ZNF362: variants seen among roughly 807,000 people sequenced by gnomAD.
ZNF362 encodes the protein zinc finger protein 362.
In ZNF362, 11 loss-of-function variants were observed where a neutral mutation model predicts 42.9. The ratio of observed to expected loss-of-function variants is 0.26; its 90% confidence interval spans 0.16 to 0.42. The LOEUF is 0.42. ZNF362 is among the 20% of genes least tolerant of loss of function. ZNF362 has a pLI of 1.00. For synonymous variants in ZNF362, 255 were observed against 257.3 expected (o/e 0.99, Z 0.09); for missense variants, 362 against 576.2 (o/e 0.63, Z 3.81).
the ZNF362 span, among the ~76,000 whole-genome samples, chr1:33,209,559 T>G: frequency 6.6e-6 from 1 of 152,164 alleles, no homozygotes; most frequent in African/African-American, 2.4e-5. Context: ...GTCCTGGACT[T>G]TTTTTGGTTG....
At chr1:33,295,338 G>A in intron 8 of ZNF362, 33 bp downstream of exon 8, 1 of 1,605,582 alleles carries the variant, frequency 6.2e-7, no homozygotes, top group Non-Finnish European at 8.5e-7. Flanking sequence ...CCTGCCCCGG[G>A]GGAGCCACTT....
At chr1:33,289,127 G>C (rs2148126962) in intron 6 of ZNF362, among the ~76,000 whole-genome samples, 1 of 152,250 alleles carries the variant, frequency 6.6e-6, no homozygotes, top group East Asian at 1.9e-4. Context: ...GGAGGTTGCG[G>C]GGGATCATCT....
At chr1:33,159,693 G>T in the ZNF362 span, 3 of 1,606,890 alleles carry the variant, frequency 1.9e-6, no homozygotes, top group Non-Finnish European at 2.5e-6. This position sits in a 1 kb window ranked among gnomAD's most constrained non-coding sequence, Gnocchi z 4.2. Flanking sequence ...CTTACCGCTC[G>T]GACAGTGAGG....
the ZNF362 span, among the ~76,000 whole-genome samples, chr1:33,227,875 C>T: frequency 6.6e-6 from 1 of 151,412 alleles, no homozygotes; most frequent in Non-Finnish European, 1.5e-5. Flanking sequence ...TTTTTTCCCA[C>T]TCAGTTATTT....
the ZNF362 span, among the ~76,000 whole-genome samples, chr1:33,249,658 G>A: frequency 7.9e-5 from 12 of 152,060 alleles, no homozygotes; most frequent in Non-Finnish European, 1.5e-4. Context: ...TCTAGTTTGC[G>A]GTTTAAATGA....
chr1:33,147,070 AGGTCTCCAGTGGCCAC>A, the ZNF362 span: 13 of 1,232,596 alleles, frequency 1.1e-5, no homozygotes, highest in Non-Finnish European at 1.5e-5. This position sits in a 1 kb window ranked among gnomAD's most constrained non-coding sequence, Gnocchi z 8.1. Context: ...AACTGGCCTG[AGGTCTCCAGTGGCCAC>A]GGTGGGCTGG....
upstream of ZNF362, among the ~76,000 whole-genome samples, chr1:33,256,299 C>T (rs1271345431): frequency 1.4e-5 from 2 of 144,006 alleles, no homozygotes; most frequent in African/African-American, 2.5e-5. Context: ...GTCGCCAGCG[C>T]CCGGCGCTGC....
the ZNF362 span, among the ~76,000 whole-genome samples, chr1:33,183,356 T>C: frequency 6.6e-6 from 1 of 152,242 alleles, no homozygotes; most frequent in African/African-American, 2.4e-5. Context: ...TAACACTTTC[T>C]CCATCACACC....
At chr1:33,210,571 T>C in the ZNF362 span, among the ~76,000 whole-genome samples, 1 of 152,216 alleles carries the variant, frequency 6.6e-6, no homozygotes, top group Non-Finnish European at 1.5e-5. Flanking sequence ...AGTCTCTTTG[T>C]GGGTCTCTAA....
chr1:33,163,591 C>A, the ZNF362 span: 1 of 152,270 alleles, frequency 6.6e-6, no homozygotes, highest in Non-Finnish European at 1.5e-5. Context: ...GGGGAAACAG[C>A]CCCCACCCCA....
At chr1:33,174,108 T>C in the ZNF362 span, among the ~76,000 whole-genome samples, 1 of 152,188 alleles carries the variant, frequency 6.6e-6, no homozygotes, top group Non-Finnish European at 1.5e-5. Context: ...ATTTATATTC[T>C]TTTCCCCCCT....
At chr1:33,160,069 G>C in the ZNF362 span, 1 of 1,244,142 alleles carries the variant, frequency 8.0e-7, no homozygotes, top group Non-Finnish European at 1.1e-6. Flanking sequence ...CGCGTGGTGG[G>C]GGAAATGTCA....
At chr1:33,256,235 C>A (rs1645788564), upstream of ZNF362, among the ~76,000 whole-genome samples, 1 of 137,832 alleles carries the variant, frequency 7.3e-6, no homozygotes, top group African/African-American at 2.6e-5. Context: ...CGAGTGGGGG[C>A]CCCAGCGCGC....
At chr1:33,156,837 TC>T in the ZNF362 span, among the ~76,000 whole-genome samples, 1 of 152,106 alleles carries the variant, frequency 6.6e-6, no homozygotes, top group Non-Finnish European at 1.5e-5. Flanking sequence ...AATTACTATC[TC>T]CCTCGTCTTC....
chr1:33,176,747 C>T, the ZNF362 span, among the ~76,000 whole-genome samples: 2 of 152,170 alleles, frequency 1.3e-5, no homozygotes, highest in African/African-American at 4.8e-5. Context: ...CAATCCTGGC[C>T]CTGCCATTTA....
intron 1 of ZNF362, among the ~76,000 whole-genome samples, chr1:33,257,655 G>T (rs1645803187): frequency 6.6e-6 from 1 of 152,084 alleles, no homozygotes; most frequent in African/African-American, 2.4e-5. Flanking sequence ...GCATTGTAAG[G>T]AGCTAGATCC....
chr1:33,148,437 GAAC>G, the ZNF362 span, among the ~76,000 whole-genome samples: 24 of 152,158 alleles, frequency 1.6e-4, no homozygotes, highest in African/African-American at 5.8e-4. Flanking sequence ...ACTTCCCTAA[GAAC>G]TGTTTGCTTT....
chr1:33,192,018 T>C, the ZNF362 span, among the ~76,000 whole-genome samples: 3 of 152,224 alleles, frequency 2.0e-5, no homozygotes, highest in East Asian at 3.8e-4. Context: ...GGGACACTTC[T>C]ACTACTTTCA....
chr1:33,281,956 C>G lies in ZNF362; in HGVS notation c.908+145C>G. 1 of 744,588 alleles carries G rather than the reference C, an allele frequency of 1.3e-6. No homozygotes were observed. The highest frequency in any genetic ancestry group is 2.2e-6 in the Non-Finnish European group (1 of 454,046). 46.1% of individuals were successfully genotyped at this position (744,588 alleles called of 1,614,324 possible). ...TCACGGCCCTTGTGGACCTCACTGGCCTCAGCTGTTGTTACTGCACCCCGT... is the reference window on the plus strand; with the variant it reads ...TCACGGCCCTTGTGGACCTCACTGGGCTCAGCTGTTGTTACTGCACCCCGT... On this transcript the variant is annotated intron_variant, in intron 6 of 8. Coordinates refer to ENST00000539719, the MANE Select transcript of ZNF362 (RefSeq NM_152493.3). This position sits in a 1 kb window ranked among gnomAD's most constrained non-coding sequence, Gnocchi z 4.8.
Sources: allele counts gnomAD v4.1 joint callset (sites outside exome capture counted in the v4.1 genomes callset), GRCh38; gene constraint gnomAD v4.1.1; non-coding constraint Gnocchi (gnomAD v3.1); transcripts MANE v1.5; gene names NCBI Gene and HGNC (gene_info 2026-07-23, HGNC 2026-07-21).